The following ROCK2 variants were observed in gnomAD, a reference collection of about 807,000 sequenced individuals.
ROCK2 encodes rho-associated protein kinase 2.
Under a neutral mutation model 195.1 loss-of-function variants are expected in ROCK2, and 61 were observed. The observed-to-expected ratio is 0.31, with a 90% CI of 0.25 to 0.39. The LOEUF (loss-of-function observed/expected upper bound fraction) is 0.39. Ranked by LOEUF, ROCK2 falls within the 10% of genes least tolerant of loss-of-function variation. The pLI, the probability that ROCK2 is intolerant of heterozygous loss-of-function variation, is 1.00. For synonymous variants in ROCK2, 504 were observed against 545.5 expected (o/e 0.92, Z 1.06); for missense variants, 1,109 against 1,637.4 (o/e 0.68, Z 5.57).
At chr2:11,341,804 C>T (rs566113040) in intron 1 of ROCK2, among the ~76,000 whole-genome samples, 63 of 152,118 alleles carry the variant, frequency 4.1e-4, no homozygotes, top group Non-Finnish European at 6.0e-4. Context: ...AAAGTGATAC[C>T]AGCCATTATT....
chr2:11,261,673 C>T (rs1487690915), intron 3 of ROCK2, among the ~76,000 whole-genome samples: 2 of 152,026 alleles, frequency 1.3e-5, no homozygotes, highest in African/African-American at 2.4e-5. Context: ...AAAAATTAGG[C>T]GGGCGTGGTG....
At chr2:11,260,573 A>C (rs1666192780) in intron 3 of ROCK2, among the ~76,000 whole-genome samples, 1 of 152,120 alleles carries the variant, frequency 6.6e-6, no homozygotes, top group Admixed American at 6.6e-5. Context: ...TAACTTCATT[A>C]GAGAAAGCAA....
Position 11,215,000 on chromosome 2 carries a change from A to C in ROCK2, c.1776T>G (p.Ile592Met). 6.2e-7 allele frequency: 1 copy of C among 1,614,082 alleles called. No homozygotes were observed. Reference sequence around the variant, plus strand: ...CTCTATTGTTAGATTCCAGCTGCTGAATCTGTTTTGAACTTTCTGCCTGGG... The same window carrying C: ...CTCTATTGTTAGATTCCAGCTGCTGCATCTGTTTTGAACTTTCTGCCTGGG... ...RKTQAESSKQ[I>M]QQLESNNRDL... is the part of the protein sequence containing the mutation. The change falls in exon 16 of 33, where the codon ATT becomes ATG. Residue 592 changes from isoleucine to methionine, a missense_variant. This residue lies in a region of ROCK2 where 542 missense variants were observed against 672.0 expected (regional missense o/e 0.81). Transcript: ENST00000315872.
Position 11,344,528 on chromosome 2 carries a change from G to T in ROCK2, c.-392C>A. 1.0e-6 allele frequency: 1 copy of T among 984,070 alleles called. No individual in the cohort carries two copies. The highest frequency in any genetic ancestry group is 6.2e-5 in the Admixed American group (1 of 16,176). 61.0% of individuals were successfully genotyped at this position (984,070 alleles called of 1,614,324 possible). On this transcript the variant is annotated 5_prime_UTR_variant, in exon 1 of 33. In the 5' UTR this introduces an upstream ATG that the reference lacks. Transcript: ENST00000315872. The surrounding 1 kb of genome is among the most constrained non-coding windows in gnomAD (Gnocchi z 5.4). ...TGGGGCCCCGGGAGGCTGAAGCCCA[G>T]GCCTGGGCCACTACGGCCGCCGCCG...
intron 5 of ROCK2, among the ~76,000 whole-genome samples, chr2:11,229,724 A>G (rs1013356165): frequency 6.6e-6 from 1 of 152,172 alleles, no homozygotes; most frequent in African/African-American, 2.4e-5. Flanking sequence ...TATGGAAAAT[A>G]ACATCTTAAC....
chr2:11,262,199 A>G (rs1021361401), intron 3 of ROCK2, among the ~76,000 whole-genome samples: 2 of 152,200 alleles, frequency 1.3e-5, no homozygotes, highest in African/African-American at 2.4e-5. Context: ...TTTAATTTTA[A>G]AAGTGGATGA....
intron 3 of ROCK2, among the ~76,000 whole-genome samples, chr2:11,264,736 G>A (rs1666355420): frequency 6.6e-6 from 1 of 152,032 alleles, no homozygotes; most frequent in Non-Finnish European, 1.5e-5. Context: ...CCTGGCCATT[G>A]GAAACTACAA....
At chr2:11,275,903 T>C (rs1376524514) in intron 3 of ROCK2, among the ~76,000 whole-genome samples, 1 of 152,114 alleles carries the variant, frequency 6.6e-6, no homozygotes, top group Non-Finnish European at 1.5e-5. Context: ...TTTCACCATG[T>C]TGACCTGGCT....
At chr2:11,321,703 AAAG>A (rs1668405124) in intron 1 of ROCK2, among the ~76,000 whole-genome samples, 2 of 152,236 alleles carry the variant, frequency 1.3e-5, no homozygotes, top group Admixed American at 6.5e-5. Context: ...TACACTGATC[AAAG>A]GAGGAAGGAT....
At chr2:11,329,293 T>C (rs1347178499) in intron 1 of ROCK2, among the ~76,000 whole-genome samples, 2 of 152,112 alleles carry the variant, frequency 1.3e-5, no homozygotes, top group Non-Finnish European at 2.9e-5. Flanking sequence ...AAATAAGGCA[T>C]TGTTCAGATT....
rs997481590 is a variant in ROCK2 at position 11,184,881 on chromosome 2, C to T, written c.4164-1441G>A. ...GTGCTTGTAAGCATTTTAATTTTCC[C>T]TTCATGGATAACAACAAGATTAAAA... On this transcript the variant is annotated intron_variant, in intron 32 of 32. Transcript: ENST00000315872. The T allele has an allele frequency of 8.4e-5, 40 of 476,102 alleles. 1 individual carries two copies. The highest frequency in any genetic ancestry group is 6.9e-4 in the African/African-American group (33 of 47,510). The allele number at this position is 476,102 out of a possible 1,614,324, so 29.5% of individuals were successfully genotyped here.
intron 4 of ROCK2, among the ~76,000 whole-genome samples, chr2:11,241,956 G>T (rs2148115684): frequency 6.6e-6 from 1 of 152,242 alleles, no homozygotes; most frequent in Non-Finnish European, 1.5e-5. Flanking sequence ...TCATAAATGG[G>T]TTTACTGCCC....
chr2:11,301,790 A>G, intron 1 of ROCK2, among the ~76,000 whole-genome samples: 1 of 152,042 alleles, frequency 6.6e-6, no homozygotes, highest in Admixed American at 6.6e-5. Flanking sequence ...AAAAAAAAAA[A>G]AAAAAAATCT....
At chr2:11,327,241 C>G (rs1668577143) in intron 1 of ROCK2, among the ~76,000 whole-genome samples, 1 of 152,138 alleles carries the variant, frequency 6.6e-6, no homozygotes, top group Non-Finnish European at 1.5e-5. Flanking sequence ...TTCCTGCCTG[C>G]TAGTAAAGGA....
chr2:11,223,176 T>G (rs1664694775), intron 7 of ROCK2, among the ~76,000 whole-genome samples: 1 of 152,190 alleles, frequency 6.6e-6, no homozygotes, highest in Non-Finnish European at 1.5e-5. Context: ...TCCATTTTAC[T>G]TTGAGTTTAT....
chr2:11,298,469 CAAAAAAAA>C (rs771356019), intron 1 of ROCK2, among the ~76,000 whole-genome samples: 2 of 45,036 alleles, frequency 4.4e-5, no homozygotes, highest in African/African-American at 7.5e-5. Context: ...GACTCCATCT[CAAAAAAAA>C]AAAAAAAAAA....
chr2:11,197,773 T>C lies in ROCK2; in HGVS notation c.3100-68A>G. 9.2e-7 allele frequency: 1 copy of C among 1,087,104 alleles called. No homozygotes were observed. The highest frequency in any genetic ancestry group is 1.2e-6 in the Non-Finnish European group (1 of 813,776). The allele number at this position is 1,087,104 out of a possible 1,614,324, so 67.3% of individuals were successfully genotyped here. A position where few individuals can be genotyped will look rare whatever the true frequency, so the allele number is the denominator to read the frequency against. ...ATTACGTTTATGGTTTCTCAGTATCTCATCAAGAGCAACAAGTTATACAAT... is the reference window on the plus strand; with the variant it reads ...ATTACGTTTATGGTTTCTCAGTATCCCATCAAGAGCAACAAGTTATACAAT... On this transcript the variant is annotated intron_variant, in intron 25 of 32. Transcript: ENST00000315872. The surrounding 1 kb of genome is among the most constrained non-coding windows in gnomAD (Gnocchi z 4.9).
At chr2:11,324,067 C>T (rs1206146776) in intron 1 of ROCK2, among the ~76,000 whole-genome samples, 1 of 152,126 alleles carries the variant, frequency 6.6e-6, no homozygotes. Flanking sequence ...TTGTCCAGAA[C>T]GTCATACAGC....
At chr2:11,271,026 A>T in intron 3 of ROCK2, among the ~76,000 whole-genome samples, 1 of 152,166 alleles carries the variant, frequency 6.6e-6, no homozygotes, top group South Asian at 2.1e-4. Context: ...GCAGTGTTCT[A>T]TAGTCTTATG....
Sources: allele counts gnomAD v4.1 joint callset (sites outside exome capture counted in the v4.1 genomes callset), GRCh38; gene constraint gnomAD v4.1.1; regional missense constraint gnomAD v4.1.1; non-coding constraint Gnocchi (gnomAD v3.1); transcripts MANE v1.5; gene names NCBI Gene and HGNC (gene_info 2026-07-23, HGNC 2026-07-21).